BEND7: variants seen among roughly 807,000 people sequenced by gnomAD.
BEND7 encodes the protein BEN domain containing 7.
BEND7 carries 28 observed loss-of-function variants against 50.9 expected under a neutral mutation model. The observed-to-expected ratio is 0.55, with a 90% CI of 0.41 to 0.75. The LOEUF is 0.75. Ranked by LOEUF, BEND7 falls within the 30% of genes least tolerant of loss-of-function variation. The probability of loss-of-function intolerance (pLI) is 0.00; values close to 1 mark genes in which losing one functional copy is unlikely to be tolerated. For missense variants in BEND7, 477 were observed against 491.3 expected, an observed-to-expected ratio of 0.97 and a Z score of 0.28; for synonymous variants, 170 against 183.9, an observed-to-expected ratio of 0.92 and a Z score of 0.61.
At chr10:13,469,193 T>C (rs1471954443) in intron 6 of BEND7, among the ~76,000 whole-genome samples, 3 of 152,096 alleles carry the variant, frequency 2.0e-5, no homozygotes, top group African/African-American at 4.8e-5. Flanking sequence ...GGGTCGAGTA[T>C]AAAAGGGTTT....
intron 4 of BEND7, among the ~76,000 whole-genome samples, chr10:13,496,112 T>C (rs1185298320): frequency 2.6e-5 from 4 of 152,240 alleles, no homozygotes; most frequent in South Asian, 4.1e-4. Context: ...ATAAAGTTCA[T>C]TGACAGCTAC....
At chr10:13,490,995 G>A (rs1588919070) in intron 5 of BEND7, among the ~76,000 whole-genome samples, 1 of 152,172 alleles carries the variant, frequency 6.6e-6, no homozygotes, top group East Asian at 1.9e-4. Context: ...GTAGAGAACG[G>A]GTTTTCCCAT....
At chr10:13,458,860 C>A (rs1390314078) in intron 6 of BEND7, among the ~76,000 whole-genome samples, 11 of 152,196 alleles carry the variant, frequency 7.2e-5, no homozygotes. Context: ...CCCTCCCACT[C>A]TCTTTCCTCT....
In BEND7 at chr10:13,527,915, A is replaced by G; in HGVS notation, c.61+558T>C. ...TTTTTCTTTTTTTTAAAGGATGCTT[A>G]TCTGACTGCTATATGATCTAGTCTA... On this transcript the variant is annotated intron_variant, in intron 1 of 8. Coordinates refer to ENST00000466271, the MANE Select transcript of BEND7 (RefSeq NM_001369863.1). 3.6e-6 allele frequency: 3 copies of G among 838,824 alleles called. No individual in the cohort carries two copies. In the South Asian group the frequency reaches 1.6e-4, roughly 46 times the overall value. The allele number at this position is 838,824 out of a possible 1,614,324, so 52.0% of individuals were successfully genotyped here. A position where few individuals can be genotyped will look rare whatever the true frequency, so the allele number is the denominator to read the frequency against.
chr10:13,508,305 G>A (rs1358135219), intron 2 of BEND7, among the ~76,000 whole-genome samples: 2 of 152,232 alleles, frequency 1.3e-5, no homozygotes, highest in Non-Finnish European at 2.9e-5. Flanking sequence ...ATGGAACAGG[G>A]TGGTGGTTTT....
At chr10:13,518,522 C>T (rs1309260226) in intron 2 of BEND7, among the ~76,000 whole-genome samples, 2 of 152,208 alleles carry the variant, frequency 1.3e-5, no homozygotes, top group Non-Finnish European at 2.9e-5. Context: ...GATGGGCCAG[C>T]GCTATCTTAA....
At chr10:13,485,614 T>C (rs2076170899) in intron 5 of BEND7, among the ~76,000 whole-genome samples, 1 of 152,236 alleles carries the variant, frequency 6.6e-6, no homozygotes, top group Non-Finnish European at 1.5e-5. Flanking sequence ...GCTTAAAGGA[T>C]GTGAATTTAG....
chr10:13,453,406 A>G (rs1284864077), intron 6 of BEND7, among the ~76,000 whole-genome samples: 1 of 152,214 alleles, frequency 6.6e-6, no homozygotes, highest in Non-Finnish European at 1.5e-5. Flanking sequence ...GTAGGCCATC[A>G]CATCACACTG....
chr10:13,525,040 T>C (rs967264971), intron 2 of BEND7, among the ~76,000 whole-genome samples: 1 of 152,214 alleles, frequency 6.6e-6, no homozygotes, highest in Non-Finnish European at 1.5e-5. Context: ...GCAGCAGTCC[T>C]GCTACCTGAA....
intron 5 of BEND7, among the ~76,000 whole-genome samples, chr10:13,483,261 G>A (rs1220454774): frequency 6.6e-6 from 1 of 152,088 alleles, no homozygotes; most frequent in South Asian, 2.1e-4. Flanking sequence ...TGTGAACATG[G>A]ACCCCAGTTT....
intron 7 of BEND7, among the ~76,000 whole-genome samples, chr10:13,448,839 G>A (rs1837026620): frequency 1.3e-5 from 2 of 152,062 alleles, no homozygotes; most frequent in Non-Finnish European, 2.9e-5. Context: ...GCCAAGAGAG[G>A]TGGCAGGCGC....
intron 8 of BEND7, 97 bp downstream of exon 8, chr10:13,447,169 T>C: frequency 7.8e-7 from 1 of 1,290,052 alleles, no homozygotes; most frequent in Non-Finnish European, 1.1e-6. Flanking sequence ...TTTGCTCAAG[T>C]GTCTGCATGT....
chr10:13,453,748 G>A (rs1284172102), intron 6 of BEND7, among the ~76,000 whole-genome samples: 5 of 152,132 alleles, frequency 3.3e-5, no homozygotes, highest in Non-Finnish European at 7.4e-5. Flanking sequence ...ACTAAAATCA[G>A]AAAAACAATG....
At chr10:13,463,298 GGAA>G (rs1334962594) in intron 6 of BEND7, among the ~76,000 whole-genome samples, 1 of 152,132 alleles carries the variant, frequency 6.6e-6, no homozygotes, top group East Asian at 1.9e-4. Flanking sequence ...CCCATTTATG[GGAA>G]GAAGAAAACA....
At chr10:13,503,712 AAAAC>A (rs71386198) in intron 2 of BEND7, among the ~76,000 whole-genome samples, 44 of 151,348 alleles carry the variant, frequency 2.9e-4, no homozygotes, top group South Asian at 2.3e-3. Flanking sequence ...ACTCCATCTC[AAAAC>A]AAACAAACAA....
intron 6 of BEND7, among the ~76,000 whole-genome samples, chr10:13,471,273 T>C (rs754780959): frequency 2.0e-5 from 3 of 152,232 alleles, no homozygotes; most frequent in Non-Finnish European, 4.4e-5. Context: ...AGCAGAAATT[T>C]CATGCCTGCT....
At chr10:13,517,139 G>A (rs538932662) in intron 2 of BEND7, among the ~76,000 whole-genome samples, 13 of 147,792 alleles carry the variant, frequency 8.8e-5, no homozygotes, top group African/African-American at 2.0e-4. Context: ...ATCTCAGCTC[G>A]CTGCAACTCC....
intron 6 of BEND7, among the ~76,000 whole-genome samples, chr10:13,477,399 G>C (rs2075532330): frequency 6.6e-6 from 1 of 152,098 alleles, no homozygotes; most frequent in Non-Finnish European, 1.5e-5. Flanking sequence ...GGATAGCCTT[G>C]GCACTATTAT....
At position 13,488,679 on chromosome 10, in the gene BEND7, G is replaced by A. The variant is rs552625397; in HGVS notation, c.837+3932C>T. 3.3e-5 allele frequency among the ~76,000 whole-genome samples: 5 copies of A among 152,182 alleles called. No homozygotes were observed. In the East Asian group the frequency reaches 5.8e-4, roughly 18 times the overall value. Reference sequence around the variant, plus strand: ...TTTTTTTTTATTTTCAGTAGAGACGGGGTTTCACCATGTTGGCCAGGACTG... The same window carrying A: ...TTTTTTTTTATTTTCAGTAGAGACGAGGTTTCACCATGTTGGCCAGGACTG... On this transcript the variant is annotated intron_variant, in intron 5 of 8. Coordinates refer to ENST00000466271, the MANE Select transcript of BEND7 (RefSeq NM_001369863.1).
Sources: allele counts gnomAD v4.1 joint callset (sites outside exome capture counted in the v4.1 genomes callset), GRCh38; gene constraint gnomAD v4.1.1; transcripts MANE v1.5; gene names NCBI Gene and HGNC (gene_info 2026-07-23, HGNC 2026-07-21).